Variants in LRIF1 observed in about 807,000 individuals in gnomAD.
LRIF1 encodes the protein ligand-dependent nuclear receptor-interacting factor 1.
Under a neutral mutation model 52.7 loss-of-function variants are expected in LRIF1, and 32 were observed. That is an observed-to-expected ratio of 0.61 (90% confidence interval 0.46 to 0.82). The LOEUF is 0.82. Among genes scored for constraint, LRIF1 ranks in the 40% least tolerant of loss-of-function variants. The probability of loss-of-function intolerance (pLI) is 0.00; values close to 1 mark genes in which losing one functional copy is unlikely to be tolerated. For synonymous variants in LRIF1, 323 were observed against 317.4 expected, an observed-to-expected ratio of 1.02 and a Z score of -0.19; for missense variants, 887 against 892.0, an observed-to-expected ratio of 0.99 and a Z score of 0.07.
the LRIF1 span, chr1:110,894,967 A>G: frequency 7.4e-6 from 12 of 1,613,390 alleles, no homozygotes; most frequent in Non-Finnish European, 1.0e-5. Context: ...CAGCTGAATG[A>G]GTATGTGGCT....
chr1:110,951,767 C>G lies in LRIF1; in HGVS notation c.1117G>C (p.Asp373His), dbSNP rs1203913337. Residue 373 changes from aspartate (D) to histidine (H), a missense_variant, in exon 2 of 4, where the codon GAT becomes CAT. Transcript: ENST00000369763. The part of the protein sequence containing the change: ...KVYLLAKKGT[D>H]VLPSQIDQQN... ...TGGTCAATTTGTGATGGCAGAACAT[C>G]TGTCCCCTTTTTAGCCAACAGATAG... The G allele has an allele frequency of 6.2e-7, 1 of 1,612,904 alleles. No individual in the cohort carries two copies. Among genetic ancestry groups the G allele is most frequent in the African/African-American group, 1.3e-5 (1 of 74,916 alleles).
the LRIF1 span, among the ~76,000 whole-genome samples, chr1:110,903,923 A>G: frequency 6.6e-6 from 1 of 152,194 alleles, no homozygotes. Context: ...GTCCCAAGAC[A>G]GGCAGCATTC....
In LRIF1 at chr1:110,947,901, T is replaced by C; in HGVS notation, c.*58A>G. On this transcript the variant is annotated 3_prime_UTR_variant, in exon 4 of 4. Coordinates refer to ENST00000369763, the MANE Select transcript of LRIF1 (RefSeq NM_018372.4). Reference sequence around the variant, plus strand: ...TCAGAACACACCTACAATTAACTTATTAATGCTGAAGTATATTTTAAAAAA... The same window carrying C: ...TCAGAACACACCTACAATTAACTTACTAATGCTGAAGTATATTTTAAAAAA... The C allele has an allele frequency of 2.6e-6, 4 of 1,518,618 alleles. No homozygotes were observed. Among genetic ancestry groups the C allele is most frequent in the South Asian group, 1.4e-5 (1 of 73,988 alleles). 94.1% of individuals were successfully genotyped at this position (1,518,618 alleles called of 1,614,324 possible).
chr1:110,931,035 G>A, the LRIF1 span, among the ~76,000 whole-genome samples: 11 of 151,824 alleles, frequency 7.2e-5, no homozygotes, highest in Non-Finnish European at 1.3e-4. Context: ...TGCACAACAT[G>A]CAGGTTTATT....
At chr1:110,963,536 A>G (rs1659055367) in intron 1 of LRIF1, 85 bp downstream of exon 1, 2 of 1,185,956 alleles carry the variant, frequency 1.7e-6, no homozygotes, top group Admixed American at 4.1e-5. Context: ...TCTCAACTAC[A>G]CAGCGTCCGG....
the LRIF1 span, among the ~76,000 whole-genome samples, chr1:110,890,858 CATA>C: frequency 2.0e-5 from 3 of 152,220 alleles, no homozygotes; most frequent in Non-Finnish European, 4.4e-5. Context: ...GAACAGAAAA[CATA>C]AATGTTTCTG....
the LRIF1 span, among the ~76,000 whole-genome samples, chr1:110,887,354 G>A: frequency 1.3e-5 from 2 of 152,116 alleles, no homozygotes; most frequent in Non-Finnish European, 1.5e-5. Context: ...GTGAGCCACC[G>A]CGCCCAGCCT....
chr1:110,906,572 G>T, the LRIF1 span, among the ~76,000 whole-genome samples: 1 of 151,836 alleles, frequency 6.6e-6, no homozygotes, highest in Non-Finnish European at 1.5e-5. Flanking sequence ...ATTTATGATC[G>T]CATCAAAAAA....
chr1:110,937,495 A>C, the LRIF1 span: 1 of 152,124 alleles, frequency 6.6e-6, no homozygotes, highest in African/African-American at 2.4e-5. Context: ...GTTGATGAAG[A>C]AATTAAAAAG....
the LRIF1 span, among the ~76,000 whole-genome samples, chr1:110,888,573 C>T: frequency 6.6e-6 from 1 of 152,044 alleles, no homozygotes; most frequent in East Asian, 1.9e-4. Flanking sequence ...TAAATCTGGT[C>T]CCTGTTAATC....
intron 1 of LRIF1, among the ~76,000 whole-genome samples, chr1:110,956,004 G>A (rs944648490): frequency 2.6e-5 from 4 of 152,204 alleles, no homozygotes; most frequent in Admixed American, 2.6e-4. Context: ...GAGAGATTAT[G>A]TGCATTTTCA....
At chr1:110,890,708 G>GA in the LRIF1 span, among the ~76,000 whole-genome samples, 22 of 152,106 alleles carry the variant, frequency 1.4e-4, 1 homozygote, top group African/African-American at 4.8e-4. Context: ...TATTCTAGTT[G>GA]AAAAAAATAA....
At chr1:110,931,823 G>T in the LRIF1 span, among the ~76,000 whole-genome samples, 12 of 152,000 alleles carry the variant, frequency 7.9e-5, no homozygotes, top group Non-Finnish European at 1.0e-4. Flanking sequence ...CCCCCTTTTT[G>T]TTGGAGTTGT....
chr1:110,895,194 C>T, the LRIF1 span: 1 of 655,706 alleles, frequency 1.5e-6, no homozygotes, highest in Non-Finnish European at 2.8e-6. Context: ...CCTTGGCTAT[C>T]ACAAACATGG....
the LRIF1 span, among the ~76,000 whole-genome samples, chr1:110,888,594 A>G: frequency 5.3e-5 from 8 of 152,346 alleles, no homozygotes; most frequent in Middle Eastern, 3.4e-3. Flanking sequence ...CATTGGCCAG[A>G]GGCACATTTC....
intron 1 of LRIF1, chr1:110,963,276 T>C (rs1270688546): frequency 1.7e-5 from 3 of 178,564 alleles, no homozygotes; most frequent in African/African-American, 4.7e-5. Flanking sequence ...GACTGCTGCG[T>C]TTCTGCGTGT....
At position 110,947,822 on chromosome 1, in the gene LRIF1, T is replaced by C. The variant is rs1271884001; in HGVS notation, c.*137A>G. The C allele has an allele frequency of 1.6e-6, 2 of 1,231,102 alleles. No individual in the cohort carries two copies. The highest frequency in any genetic ancestry group is 3.0e-5 in the African/African-American group (2 of 66,034). The allele number at this position is 1,231,102 out of a possible 1,614,324, so 76.3% of individuals were successfully genotyped here. ...TGTGAATCAACCTTTTCTGTATTCC[T>C]TAAAGTTGTACAATCGACTGATGAA... On this transcript the variant is annotated 3_prime_UTR_variant, in exon 4 of 4. Transcript: ENST00000369763.
the LRIF1 span, among the ~76,000 whole-genome samples, chr1:110,910,756 G>A: frequency 6.6e-5 from 10 of 151,992 alleles, no homozygotes; most frequent in African/African-American, 2.4e-4. Flanking sequence ...TGACTTTTGG[G>A]GTAAAGAATC....
intron 1 of LRIF1, among the ~76,000 whole-genome samples, chr1:110,959,433 G>A (rs193286133): frequency 6.6e-6 from 1 of 152,220 alleles, no homozygotes; most frequent in African/African-American, 2.4e-5. Flanking sequence ...TGAGAATAAG[G>A]TAAGATAAGG....
Sources: allele counts gnomAD v4.1 joint callset (sites outside exome capture counted in the v4.1 genomes callset), GRCh38; gene constraint gnomAD v4.1.1; transcripts MANE v1.5; gene names NCBI Gene and HGNC (gene_info 2026-07-23, HGNC 2026-07-21).